Variants in SUGCT observed in about 807,000 individuals in gnomAD.
SUGCT encodes the protein succinyl-CoA:glutarate CoA-transferase.
In SUGCT, 41 loss-of-function variants were observed where a neutral mutation model predicts 55.0. That is an observed-to-expected ratio of 0.74 (90% CI 0.58 to 0.97). The LOEUF is 0.97. SUGCT is among the 50% of genes least tolerant of loss of function. The pLI is 0.00. For synonymous variants in SUGCT, 187 were observed against 200.4 expected (o/e 0.93, Z 0.56); for missense variants, 568 against 547.8 (o/e 1.04, Z -0.37).
At chr7:40,769,780 T>C (rs751058762) in intron 13 of SUGCT, among the ~76,000 whole-genome samples, 2 of 152,174 alleles carry the variant, frequency 1.3e-5, no homozygotes, top group Non-Finnish European at 2.9e-5. Flanking sequence ...TTTGTAACAA[T>C]GGCCACAGGA....
chr7:40,304,164 G>A (rs1361584411), intron 8 of SUGCT, among the ~76,000 whole-genome samples: 1 of 151,932 alleles, frequency 6.6e-6, no homozygotes, highest in Admixed American at 6.6e-5. Context: ...AATTGGAGAG[G>A]GTCCTAGAAT....
chr7:40,846,644 A>G (rs887583037), intron 13 of SUGCT, among the ~76,000 whole-genome samples: 1 of 152,252 alleles, frequency 6.6e-6, no homozygotes. Flanking sequence ...TGGATTAGCA[A>G]TCATGAAATA....
At chr7:40,209,491 G>A (rs1012756049) in intron 6 of SUGCT, among the ~76,000 whole-genome samples, 4 of 145,842 alleles carry the variant, frequency 2.7e-5, no homozygotes, top group African/African-American at 5.1e-5. Flanking sequence ...GCAAGACTAC[G>A]TCTCAAACAA....
chr7:40,993,163 G>C, the SUGCT span, among the ~76,000 whole-genome samples: 1 of 152,080 alleles, frequency 6.6e-6, no homozygotes, highest in Non-Finnish European at 1.5e-5. Flanking sequence ...CTGGTTTGTG[G>C]ACCTCTTGGG....
rs186879708 is a variant in SUGCT, at chr7:40,805,601, G to A, written c.1154-54715G>A. On this transcript the variant is annotated intron_variant, in intron 13 of 13. Coordinates refer to ENST00000335693, the MANE Select transcript of SUGCT (RefSeq NM_001193313.2). ...TCCTTGAGTTTAGTTAGAAAGCAAA[G>A]CATTTGCTGTTTCACTGTCTGGAAG... is the stretch of plus-strand genomic sequence containing the variant. Among the ~76,000 whole-genome samples, 398 of 152,316 alleles carry A rather than the reference G, an allele frequency of 2.6e-3. 2 individuals are homozygous for A. Among genetic ancestry groups the A allele is most frequent in the Non-Finnish European group, 4.1e-3 (276 of 68,032 alleles).
chr7:40,714,343 A>G (rs1785897433), intron 12 of SUGCT, among the ~76,000 whole-genome samples: 1 of 152,138 alleles, frequency 6.6e-6, no homozygotes, highest in Admixed American at 6.6e-5. Context: ...CAAACAAAAA[A>G]AGAAAACAAA....
chr7:40,235,846 C>G (rs750905755), intron 6 of SUGCT, among the ~76,000 whole-genome samples: 25 of 152,088 alleles, frequency 1.6e-4, no homozygotes, highest in Non-Finnish European at 2.9e-4. Flanking sequence ...TGAGGGTGCT[C>G]TTTTACAAAA....
At chr7:40,960,016 C>A in the SUGCT span, among the ~76,000 whole-genome samples, 2 of 152,130 alleles carry the variant, frequency 1.3e-5, no homozygotes, top group Non-Finnish European at 2.9e-5. Flanking sequence ...ACTGTCTAAC[C>A]AGTCCCATTG....
rs190022733 is a variant in SUGCT, at chr7:40,168,747, A to G, written c.101-12200A>G. On this transcript the variant is annotated intron_variant, in intron 1 of 13. Transcript: ENST00000335693. ...AAGTATTTTTCCTTCTTCGGCGGCT[A>G]GCCATCCTGAGGGGAGGAAACTATT... Among the ~76,000 whole-genome samples, 10 of 152,348 alleles carry G rather than the reference A, an allele frequency of 6.6e-5. No individual in the cohort carries two copies. In the East Asian group the frequency reaches 1.7e-3, roughly 26 times the overall value.
intron 12 of SUGCT, among the ~76,000 whole-genome samples, chr7:40,666,427 T>G (rs552192825): frequency 2.1e-5 from 3 of 144,138 alleles, no homozygotes; most frequent in African/African-American, 5.3e-5. Flanking sequence ...TAGTTTTTTT[T>G]TTTTTTTTTT....
intron 13 of SUGCT, among the ~76,000 whole-genome samples, chr7:40,803,027 G>T (rs1006039120): frequency 2.6e-5 from 4 of 152,114 alleles, no homozygotes; most frequent in African/African-American, 9.7e-5. Context: ...GCAATCGGTT[G>T]CATGTTTCTT....
rs186910602 is a variant in SUGCT at position 40,659,972 on chromosome 7, T to C, written c.1090-89462T>C. On this transcript the variant is annotated intron_variant, in intron 12 of 13. Transcript: ENST00000335693. ...AGTTATGGTTGGTGTGTGAGGCCAC[T>C]ACATCTAAGTAATTTTTTTGAAGAC... Among the ~76,000 whole-genome samples the C allele has an allele frequency of 7.2e-5, 11 of 152,314 alleles. No homozygotes were observed. The East Asian group carries it at 2.1e-3, about 29-fold the overall frequency.
chr7:40,961,875 G>C, the SUGCT span, among the ~76,000 whole-genome samples: 1 of 152,324 alleles, frequency 6.6e-6, no homozygotes, highest in African/African-American at 2.4e-5. Context: ...GGCCTCAGGA[G>C]TGAAGCTGCA....
chr7:40,717,710 C>T (rs1786097547), intron 12 of SUGCT, among the ~76,000 whole-genome samples: 1 of 152,202 alleles, frequency 6.6e-6, no homozygotes, highest in Non-Finnish European at 1.5e-5. Context: ...TGTCAGGGCA[C>T]TGCCCTTGAT....
chr7:40,488,056 G>A (rs1461269025), intron 11 of SUGCT, among the ~76,000 whole-genome samples: 3 of 150,170 alleles, frequency 2.0e-5, no homozygotes, highest in Non-Finnish European at 4.4e-5. Context: ...CAACAAATTC[G>A]ATGTACTTAC....
chr7:40,422,027 AT>A (rs1359211374), intron 9 of SUGCT, among the ~76,000 whole-genome samples: 6 of 148,488 alleles, frequency 4.0e-5, no homozygotes, highest in Non-Finnish European at 7.4e-5. Flanking sequence ...ACTTAATGTC[AT>A]TTGTCCTCAG....
chr7:40,745,859 A>T lies in SUGCT; in HGVS notation c.1090-3575A>T, dbSNP rs538950511. Among the ~76,000 whole-genome samples, 3 of 152,216 alleles carry T rather than the reference A, an allele frequency of 2.0e-5. No individual in the cohort carries two copies. The South Asian group carries it at 6.2e-4, about 32-fold the overall frequency. ...GCCAGACCTAGCACCAAGGCATGAA[A>T]CTCTCTTTAAGCCATGAATATCTTA... is the stretch of plus-strand genomic sequence containing the variant. On this transcript the variant is annotated intron_variant, in intron 12 of 13. Transcript: ENST00000335693.
intron 13 of SUGCT, among the ~76,000 whole-genome samples, chr7:40,794,525 C>T (rs1288277725): frequency 1.3e-5 from 2 of 152,100 alleles, no homozygotes; most frequent in Non-Finnish European, 2.9e-5. Flanking sequence ...AAATATGACT[C>T]CTCATCTTGT....
intron 13 of SUGCT, among the ~76,000 whole-genome samples, chr7:40,755,636 G>C (rs979548635): frequency 4.6e-5 from 7 of 152,226 alleles, no homozygotes; most frequent in African/African-American, 1.2e-4. Context: ...CATTGGTGCT[G>C]AGTGCCAAAC....
Sources: allele counts gnomAD v4.1 joint callset (sites outside exome capture counted in the v4.1 genomes callset), GRCh38; gene constraint gnomAD v4.1.1; transcripts MANE v1.5; gene names NCBI Gene and HGNC (gene_info 2026-07-23, HGNC 2026-07-21).